The following RUNX3 variants were observed in gnomAD, a reference collection of about 807,000 sequenced individuals.
RUNX3 encodes the protein runt-related transcription factor 3.
RUNX3 carries 10 observed loss-of-function variants against 27.7 expected under a neutral mutation model. The ratio of observed to expected loss-of-function variants is 0.36; its 90% confidence interval spans 0.22 to 0.61. RUNX3 has a LOEUF of 0.61. Ranked by LOEUF, RUNX3 falls within the 20% of genes least tolerant of loss-of-function variation. The pLI is 0.72. For synonymous variants in RUNX3, 270 were observed against 269.2 expected (o/e 1.00, Z -0.03); for missense variants, 469 against 629.5 (o/e 0.75, Z 2.73).
chr1:24,957,495 C>T (rs899441978), intron 2 of RUNX3, among the ~76,000 whole-genome samples: 7 of 152,306 alleles, frequency 4.6e-5, no homozygotes, highest in Admixed American at 3.3e-4. Flanking sequence ...TAGTGAGGGG[C>T]AGCAATGGCA....
chr1:24,942,728 G>C (rs1641507854), intron 2 of RUNX3, among the ~76,000 whole-genome samples: 1 of 152,220 alleles, frequency 6.6e-6, no homozygotes, highest in Non-Finnish European at 1.5e-5. Context: ...ACAGCCCTGA[G>C]AGCCAGATGG....
chr1:24,936,753 A>C (rs1205319961), intron 2 of RUNX3, among the ~76,000 whole-genome samples: 1 of 152,170 alleles, frequency 6.6e-6, no homozygotes, highest in Non-Finnish European at 1.5e-5. Flanking sequence ...CCACCTCCCC[A>C]AAAAGGTCCT....
chr1:24,929,458 G>T, intron 1 of RUNX3, 129 bp downstream of exon 1: 1 of 940,014 alleles, frequency 1.1e-6, no homozygotes, highest in South Asian at 1.4e-5. Flanking sequence ...AGACTGAACC[G>T]GGTGCCCGGG....
intron 3 of RUNX3, among the ~76,000 whole-genome samples, 181 bp downstream of exon 3, chr1:24,919,059 C>A (rs539369841): frequency 6.6e-6 from 1 of 152,240 alleles, no homozygotes; most frequent in African/African-American, 2.4e-5. Context: ...TGGCCTCCCA[C>A]GGTCTCAGGC....
upstream of RUNX3, among the ~76,000 whole-genome samples, chr1:24,932,402 G>A (rs1283437137): frequency 1.3e-5 from 2 of 151,766 alleles, no homozygotes; most frequent in Non-Finnish European, 3.0e-5. Context: ...CACAGTGGCG[G>A]GAGCCGCCGC....
intron 2 of RUNX3, among the ~76,000 whole-genome samples, chr1:24,935,988 G>A (rs1445210152): frequency 2.0e-5 from 3 of 152,208 alleles, no homozygotes; most frequent in African/African-American, 4.8e-5. Flanking sequence ...CACTCTGACC[G>A]CTGCTCTCAG....
intron 2 of RUNX3, among the ~76,000 whole-genome samples, chr1:24,935,656 A>G (rs1641330810): frequency 6.6e-6 from 1 of 152,098 alleles, no homozygotes; most frequent in Admixed American, 6.5e-5. Context: ...CCTCCCTGCT[A>G]CTCGCTCTTG....
intron 2 of RUNX3, among the ~76,000 whole-genome samples, chr1:24,946,635 T>C (rs1335249481): frequency 2.0e-5 from 3 of 152,144 alleles, no homozygotes; most frequent in African/African-American, 7.2e-5. Context: ...GGTTTCCAGA[T>C]TTCTGTCAGG....
intron 2 of RUNX3, among the ~76,000 whole-genome samples, chr1:24,948,275 C>A (rs1052690460): frequency 1.3e-5 from 2 of 152,208 alleles, no homozygotes; most frequent in African/African-American, 4.8e-5. Context: ...CCTTGGTCCC[C>A]CCAAAAGGAG....
intron 4 of RUNX3, 56 bp downstream of exon 4, chr1:24,907,203 A>G (rs568316641): frequency 8.7e-5 from 136 of 1,562,470 alleles, no homozygotes; most frequent in Non-Finnish European, 1.1e-4. Flanking sequence ...ATTGGACCAC[A>G]TCGAGGCCCT....
chr1:24,940,970 A>C (rs1641462029), intron 2 of RUNX3, among the ~76,000 whole-genome samples: 1 of 152,250 alleles, frequency 6.6e-6, no homozygotes, highest in Non-Finnish European at 1.5e-5. Context: ...AAATATTTTA[A>C]AGGAAAGCAA....
chr1:24,920,834 C>T (rs1640984637), intron 2 of RUNX3, among the ~76,000 whole-genome samples: 1 of 152,180 alleles, frequency 6.6e-6, no homozygotes, highest in Admixed American at 6.5e-5. Context: ...CTACTTTCTA[C>T]AGTGAATTCT....
At chr1:24,951,453 C>T (rs1641763832) in intron 2 of RUNX3, among the ~76,000 whole-genome samples, 1 of 152,180 alleles carries the variant, frequency 6.6e-6, no homozygotes, top group Non-Finnish European at 1.5e-5. Context: ...AATCTCCCCT[C>T]TCTTGTTCCA....
chr1:24,958,101 C>T (rs1056382840), intron 2 of RUNX3, among the ~76,000 whole-genome samples: 6 of 152,212 alleles, frequency 3.9e-5, no homozygotes, highest in South Asian at 2.1e-4. Context: ...CAGAGGGGCC[C>T]GAGCCGATCA....
rs181264469 is a variant in RUNX3, at chr1:24,920,943, G to A, written c.440-1599C>T. On this transcript the variant is annotated intron_variant, in intron 2 of 4. Coordinates refer to ENST00000308873, the MANE Select transcript of RUNX3 (RefSeq NM_004350.3). ...CTCATGCTTTATGAGATTGGTGGCCGGGAGCGGGGGAGATTTGCGGATCCC... is the reference window on the plus strand; with the variant it reads ...CTCATGCTTTATGAGATTGGTGGCCAGGAGCGGGGGAGATTTGCGGATCCC... 4.7e-4 allele frequency among the ~76,000 whole-genome samples: 71 copies of A among 152,228 alleles called. No homozygotes were observed. The East Asian group carries it at 8.3e-3, about 18-fold the overall frequency.
At chr1:24,957,693 G>A (rs971211529) in intron 2 of RUNX3, among the ~76,000 whole-genome samples, 1 of 152,256 alleles carries the variant, frequency 6.6e-6, no homozygotes, top group Non-Finnish European at 1.5e-5. Flanking sequence ...GGCATTCCAT[G>A]AGGGCTTGTC....
chr1:24,914,374 C>CG (rs1484175453), intron 3 of RUNX3, among the ~76,000 whole-genome samples: 1 of 152,230 alleles, frequency 6.6e-6, no homozygotes, highest in Non-Finnish European at 1.5e-5. Context: ...GGTGGGGCGC[C>CG]GGGCCCGAGG....
chr1:24,928,802 G>A (rs1272217510), intron 1 of RUNX3: 8 of 336,182 alleles, frequency 2.4e-5, no homozygotes, highest in East Asian at 1.8e-4. Flanking sequence ...GAGCAGGGAC[G>A]GCCTCAGCTT....
rs549086438 is a variant in RUNX3 at position 24,927,391 on chromosome 1, C to T, written c.439+183G>A. On this transcript the variant is annotated intron_variant, in intron 2 of 4. Coordinates refer to ENST00000308873, the MANE Select transcript of RUNX3 (RefSeq NM_004350.3). The surrounding 1 kb of genome is among the most constrained non-coding windows in gnomAD (Gnocchi z 5.0). The stretch of plus-strand genomic sequence containing the variant: ...AAATTGTCTTTTTCTGGCAAGAGAC[C>T]ATAACTTTCCTCACCTCCTCAAAGC... Among the ~76,000 whole-genome samples, 43 of 152,132 alleles carry T rather than the reference C, an allele frequency of 2.8e-4. 1 individual carries two copies. The highest frequency in any genetic ancestry group is 5.3e-4 in the Non-Finnish European group (36 of 68,028).
Sources: allele counts gnomAD v4.1 joint callset (sites outside exome capture counted in the v4.1 genomes callset), GRCh38; gene constraint gnomAD v4.1.1; non-coding constraint Gnocchi (gnomAD v3.1); transcripts MANE v1.5; gene names NCBI Gene and HGNC (gene_info 2026-07-23, HGNC 2026-07-21).